Variants in TENM3 observed in about 807,000 individuals in gnomAD.
TENM3 encodes teneurin transmembrane protein 3, also known as teneurin-3.
TENM3 carries 63 observed loss-of-function variants against 255.1 expected under a neutral mutation model. The observed-to-expected ratio is 0.25, with a 90% CI of 0.20 to 0.30. The LOEUF (loss-of-function observed/expected upper bound fraction) is 0.30, where lower values mean the gene tolerates loss of function less well. Ranked by LOEUF, TENM3 falls within the 10% of genes least tolerant of loss-of-function variation. The pLI is 1.00. For missense variants in TENM3, 2,929 were observed against 3,461.1 expected, an observed-to-expected ratio of 0.85 and a Z score of 3.86; for synonymous variants, 1,306 against 1,322.3, an observed-to-expected ratio of 0.99 and a Z score of 0.27.
the TENM3 span, among the ~76,000 whole-genome samples, chr4:181,503,177 C>G: frequency 6.6e-6 from 1 of 151,978 alleles, no homozygotes. Context: ...CCAGTCTGGG[C>G]AACATAGCAA....
At chr4:182,554,472 G>A (rs901986351) in intron 3 of TENM3, among the ~76,000 whole-genome samples, 2 of 152,136 alleles carry the variant, frequency 1.3e-5, no homozygotes, top group African/African-American at 2.4e-5. Flanking sequence ...TAATGTAAAT[G>A]CATCAGGAAA....
the TENM3 span, among the ~76,000 whole-genome samples, chr4:181,803,762 T>C: frequency 6.6e-6 from 1 of 151,626 alleles, no homozygotes; most frequent in African/African-American, 2.4e-5. Context: ...GAGATCCTTG[T>C]CCCTTAAATT....
At chr4:181,647,807 C>T in the TENM3 span, among the ~76,000 whole-genome samples, 3 of 152,206 alleles carry the variant, frequency 2.0e-5, no homozygotes, top group Admixed American at 6.5e-5. Context: ...AACACGAAGG[C>T]GCTCAGGGAA....
At chr4:181,531,935 C>G in the TENM3 span, among the ~76,000 whole-genome samples, 1 of 152,168 alleles carries the variant, frequency 6.6e-6, no homozygotes, top group Non-Finnish European at 1.5e-5. Context: ...GTGGCTCACC[C>G]CTGCAGTTGC....
chr4:181,983,030 A>C, the TENM3 span, among the ~76,000 whole-genome samples: 3,584 of 152,232 alleles, frequency 0.024, 162 homozygotes, highest in African/African-American at 0.082. Context: ...AGATTTGTAC[A>C]AATGTTTGTA....
In TENM3 at chr4:182,571,689, T is replaced by C. The variant is rs79108565; in HGVS notation, c.512-29235T>C. ...CTGATAATACATTTTGGTATTATGA[T>C]CTATGTTTCAGAAAATGTAAATTTC... On this transcript the variant is annotated intron_variant, in intron 3 of 27. Transcript: ENST00000511685. 5.8e-3 allele frequency among the ~76,000 whole-genome samples: 884 copies of C among 152,348 alleles called. 28 individuals carry two copies. In the East Asian group the frequency reaches 0.06, roughly 10 times the overall value.
chr4:182,756,492 T>G (rs1262581989), intron 22 of TENM3, among the ~76,000 whole-genome samples: 2 of 152,154 alleles, frequency 1.3e-5, no homozygotes, highest in Non-Finnish European at 2.9e-5. Context: ...GGAAATGAGA[T>G]ATGCAGAGAT....
the TENM3 span, among the ~76,000 whole-genome samples, chr4:181,554,466 A>G: frequency 6.6e-6 from 1 of 152,196 alleles, no homozygotes; most frequent in African/African-American, 2.4e-5. Context: ...AATGTTACTA[A>G]TATCTATGAT....
the TENM3 span, among the ~76,000 whole-genome samples, chr4:181,754,497 G>T: frequency 1.3e-5 from 2 of 152,174 alleles, no homozygotes; most frequent in East Asian, 3.8e-4. Flanking sequence ...GGATAAGAAA[G>T]ATTGTGAAAT....
At chr4:181,965,689 C>G in the TENM3 span, among the ~76,000 whole-genome samples, 1 of 152,190 alleles carries the variant, frequency 6.6e-6, no homozygotes, top group African/African-American at 2.4e-5. Context: ...AAGTCAGGCT[C>G]CAAACAAGAG....
At chr4:181,951,438 C>T in the TENM3 span, among the ~76,000 whole-genome samples, 2 of 152,220 alleles carry the variant, frequency 1.3e-5, no homozygotes, top group Non-Finnish European at 2.9e-5. Context: ...CTGGTTTTTA[C>T]ATGTGACATG....
the TENM3 span, chr4:181,522,808 A>C: frequency 1.2e-6 from 1 of 866,014 alleles, no homozygotes; most frequent in Non-Finnish European, 1.9e-6. Context: ...ACTTTAATTT[A>C]TTATGTTGAT....
At chr4:182,266,986 T>G (rs1759285763) in intron 1 of TENM3, among the ~76,000 whole-genome samples, 1 of 152,160 alleles carries the variant, frequency 6.6e-6, no homozygotes, top group Admixed American at 6.5e-5. Context: ...CTCTAGCAGG[T>G]GTTCTTAAAT....
chr4:182,500,388 CAA>C (rs1331083244), intron 3 of TENM3, among the ~76,000 whole-genome samples: 1 of 151,950 alleles, frequency 6.6e-6, no homozygotes, highest in African/African-American at 2.4e-5. Flanking sequence ...GGATAGCTAA[CAA>C]CGAGAAAAAT....
chr4:182,024,758 A>G, the TENM3 span, among the ~76,000 whole-genome samples: 8 of 152,092 alleles, frequency 5.3e-5, no homozygotes, highest in Non-Finnish European at 1.2e-4. Flanking sequence ...CTGTTGTGCT[A>G]TCATGTACTA....
chr4:182,080,728 G>A, the TENM3 span, among the ~76,000 whole-genome samples: 4 of 152,096 alleles, frequency 2.6e-5, no homozygotes, highest in Admixed American at 6.5e-5. Flanking sequence ...ATGGTGGCTC[G>A]CGCCCGTAAT....
chr4:182,034,066 A>G, the TENM3 span, among the ~76,000 whole-genome samples: 19 of 152,280 alleles, frequency 1.2e-4, no homozygotes, highest in African/African-American at 3.6e-4. Flanking sequence ...CAAGTGGTGG[A>G]AGGCAAAGGA....
chr4:182,315,525 A>G (rs1762704137), intron 1 of TENM3, among the ~76,000 whole-genome samples: 1 of 151,700 alleles, frequency 6.6e-6, no homozygotes, highest in Admixed American at 6.6e-5. Flanking sequence ...TTTTCTCTTT[A>G]TCACTGGTTT....
chr4:181,547,191 A>T, the TENM3 span, among the ~76,000 whole-genome samples: 1 of 152,234 alleles, frequency 6.6e-6, no homozygotes, highest in Non-Finnish European at 1.5e-5. Context: ...AGAAAGCAGA[A>T]TACTTCAAAG....
Sources: allele counts gnomAD v4.1 joint callset (sites outside exome capture counted in the v4.1 genomes callset), GRCh38; gene constraint gnomAD v4.1.1; transcripts MANE v1.5; gene names NCBI Gene and HGNC (gene_info 2026-07-23, HGNC 2026-07-21).